The following LZTR1 variants were observed in gnomAD, a reference collection of about 807,000 sequenced individuals.
LZTR1 encodes leucine-zipper-like transcriptional regulator 1.
Under a neutral mutation model 105.7 loss-of-function variants are expected in LZTR1, and 260 were observed. The ratio of observed to expected loss-of-function variants is 2.46; its 90% CI spans 2.22 to 2.72. The LOEUF (loss-of-function observed/expected upper bound fraction) is 2.72, where lower values mean the gene tolerates loss of function less well. LZTR1 is among the 30% of genes most tolerant of loss of function. The probability of loss-of-function intolerance (pLI) is 0.00; values close to 1 mark genes in which losing one functional copy is unlikely to be tolerated. For synonymous variants in LZTR1, 490 were observed against 476.4 expected (o/e 1.03, Z -0.37); for missense variants, 1,214 against 1,166.9 (o/e 1.04, Z -0.59).
At chr22:20,991,517 GT>G in intron 8 of LZTR1, 110 bp from the exon 9 acceptor site, 1 of 845,102 alleles carries the variant, frequency 1.2e-6, no homozygotes, top group East Asian at 2.7e-5. Context: ...CCCTGGGCTA[GT>G]CACCGTAAGG....
chr22:20,991,574 G>A (rs1014794428), intron 8 of LZTR1, 54 bp from the exon 9 acceptor site: 82 of 1,410,202 alleles, frequency 5.8e-5, no homozygotes, highest in East Asian at 9.9e-5. Flanking sequence ...GGGAGGCCCC[G>A]AGGGTGAGCA....
chr22:20,995,733 C>G lies in LZTR1; in HGVS notation c.1943-13C>G. On this transcript the variant is annotated splice_polypyrimidine_tract_variant and intron_variant, in intron 16 of 20. Coordinates refer to ENST00000646124, the MANE Select transcript of LZTR1 (RefSeq NM_006767.4). ...CCCAGGCTGTACCTGCTCAGGGACC[C>G]TCCTACCCCCAGGCACATCTCTGAT... 1 of 1,613,328 alleles carries G rather than the reference C, an allele frequency of 6.2e-7. No homozygotes were observed. The highest frequency in any genetic ancestry group is 8.5e-7 in the Non-Finnish European group (1 of 1,179,944).
chr22:20,983,103 A>C lies in LZTR1; in HGVS notation c.263+14A>C. 6.2e-7 allele frequency: 1 copy of C among 1,611,778 alleles called. No homozygotes were observed. Among genetic ancestry groups the C allele is most frequent in the Non-Finnish European group, 8.5e-7 (1 of 1,177,794 alleles). On this transcript the variant is annotated intron_variant, in intron 2 of 20. Coordinates refer to ENST00000646124, the MANE Select transcript of LZTR1 (RefSeq NM_006767.4). ...TGGAGACAATGGGTGAGTGAGTCTC[A>C]GCATCAGTGTTTGGACCAGGTAGGG...
intron 5 of LZTR1, 25 bp from the exon 6 acceptor site, chr22:20,988,764 C>T (rs746741734): frequency 6.3e-7 from 1 of 1,595,098 alleles, no homozygotes; most frequent in Non-Finnish European, 8.6e-7. Flanking sequence ...GGCCTCACTC[C>T]CTCCCCTCTT....
chr22:20,996,670 T>C (rs775006134), intron 18 of LZTR1, 26 bp from the exon 19 acceptor site: 1 of 1,603,564 alleles, frequency 6.2e-7, no homozygotes, highest in Admixed American at 1.7e-5. Context: ...CAGCTTCCTT[T>C]AGTCAGCTCC....
chr22:20,990,286 G>C, intron 7 of LZTR1, 100 bp from the exon 8 acceptor site: 1 of 1,360,278 alleles, frequency 7.4e-7, no homozygotes, highest in East Asian at 2.3e-5. Flanking sequence ...ATCTGGGGAA[G>C]TTTCAAGAAT....
Position 20,991,774 on chromosome 22 carries a change from G to A in LZTR1, c.938G>A (p.Cys313Tyr). ...ADNTLPNELH[C>Y]YDVDFQTWEV... ...AACACGCTGCCCAACGAGCTGCACT[G>A]CTATGACGTGGACTTCCAGACCTGG... Residue 313 changes from cysteine to tyrosine, a missense_variant, in exon 9 of 21, where the codon TGC becomes TAC. Physicochemically the swap from Cys to Tyr is radical, Grantham distance 194. Coordinates refer to ENST00000646124, the MANE Select transcript of LZTR1 (RefSeq NM_006767.4). The A allele has an allele frequency of 6.4e-7, 1 of 1,555,096 alleles. No individual in the cohort carries two copies. Among genetic ancestry groups the A allele is most frequent in the Non-Finnish European group, 8.7e-7 (1 of 1,149,184 alleles).
At chr22:20,995,051 T>TG in intron 16 of LZTR1, 25 bp downstream of exon 16, 1 of 1,590,716 alleles carries the variant, frequency 6.3e-7, no homozygotes, top group Non-Finnish European at 8.6e-7. Context: ...TCCCCTTCCC[T>TG]GGGGGCTGGG....
At chr22:20,984,525 C>A (rs1924302550) in intron 2 of LZTR1, among the ~76,000 whole-genome samples, 3 of 139,604 alleles carry the variant, frequency 2.1e-5, no homozygotes, top group Admixed American at 8.1e-5. Context: ...AAATAGGATA[C>A]AAATTTGTCT....
chr22:20,984,987 G>A (rs1252763526), intron 2 of LZTR1, among the ~76,000 whole-genome samples: 2 of 152,298 alleles, frequency 1.3e-5, no homozygotes, highest in Non-Finnish European at 2.9e-5. Flanking sequence ...ACTTTGGGAG[G>A]CTGAGGTGGG....
At position 20,996,861 on chromosome 22, in the gene LZTR1, C is replaced by T. The variant is rs777850717; in HGVS notation, c.2326-25C>T. On this transcript the variant is annotated intron_variant, in intron 19 of 20. Transcript: ENST00000646124. ...CCCACTGAGTGGGTGAAAGGGGCAGCGCCTCAAGGTCCCTGCCATTGCAGA... is the reference window on the plus strand; with the variant it reads ...CCCACTGAGTGGGTGAAAGGGGCAGTGCCTCAAGGTCCCTGCCATTGCAGA... 14 of 1,610,306 alleles carry T rather than the reference C, an allele frequency of 8.7e-6. No homozygotes were observed. In the African/African-American group the frequency reaches 1.2e-4, roughly 14 times the overall value.
At chr22:20,989,070 G>A (rs1237054298) in intron 6 of LZTR1, among the ~76,000 whole-genome samples, 198 bp downstream of exon 6, 1 of 152,170 alleles carries the variant, frequency 6.6e-6, no homozygotes, top group African/African-American at 2.4e-5. Flanking sequence ...CCACTGGGTG[G>A]AGCCCCGTGG....
Position 20,996,980 on chromosome 22 carries a change from C to T in LZTR1, c.2406+14C>T. 1 of 1,613,000 alleles carries T rather than the reference C, an allele frequency of 6.2e-7. No homozygotes were observed. Among genetic ancestry groups the T allele is most frequent in the African/African-American group, 1.3e-5 (1 of 75,060 alleles). ...CAGTTCACCAAGGTCAGGGCTCTGGCCTCCCCTTCAGGACTCGCTTCCCCT... is the reference window on the plus strand; with the variant it reads ...CAGTTCACCAAGGTCAGGGCTCTGGTCTCCCCTTCAGGACTCGCTTCCCCT... On this transcript the variant is annotated intron_variant, in intron 20 of 20. Coordinates refer to ENST00000646124, the MANE Select transcript of LZTR1 (RefSeq NM_006767.4).
chr22:20,982,427 G>A lies in LZTR1; in HGVS notation c.56G>A (p.Gly19Asp), dbSNP rs368755025. The change falls in exon 1 of 21, where the codon GGC becomes GAC. Residue 19 changes from glycine (G) to aspartate (D), a missense_variant. By Grantham distance (94) the Gly-to-Asp change is moderately conservative (BLOSUM62 -1). Coordinates refer to ENST00000646124, the MANE Select transcript of LZTR1 (RefSeq NM_006767.4). Reference sequence around the variant, plus strand: ...ATCGGGGCTGCGGCCCTGGCAGGCGGCGCGCGGTCCAAGGTAGCCCCGAGC... The same window carrying A: ...ATCGGGGCTGCGGCCCTGGCAGGCGACGCGCGGTCCAAGGTAGCCCCGAGC... ...GQIGAAALAG[G>D]ARSKVAPSVD... 1 of 1,576,962 alleles carries A rather than the reference G, an allele frequency of 6.3e-7. No homozygotes were observed. The highest frequency in any genetic ancestry group is 1.3e-5 in the African/African-American group (1 of 74,326).
rs1271583137 is a variant in LZTR1 at position 20,997,532 on chromosome 22, A to C, written c.*184A>C. 1 of 571,558 alleles carries C rather than the reference A, an allele frequency of 1.7e-6. No homozygotes were observed. The highest frequency in any genetic ancestry group is 1.9e-5 in the African/African-American group (1 of 53,190). The allele number at this position is 571,558 out of a possible 1,614,324, so 35.4% of individuals were successfully genotyped here. A position where few individuals can be genotyped will look rare whatever the true frequency, so the allele number is the denominator to read the frequency against. ...GGCCCCAAACTCATTAATTCACTGA[A>C]GACACAGGTCCCACAGGGAGCGGAT... On this transcript the variant is annotated 3_prime_UTR_variant, in exon 21 of 21. Coordinates refer to ENST00000646124, the MANE Select transcript of LZTR1 (RefSeq NM_006767.4).
chr22:20,995,763 G>C lies in LZTR1; in HGVS notation c.1960G>C (p.Asp654His). Reference sequence around the variant, plus strand: ...ACCCCCAGGCACATCTCTGATCCAGGACATGAAGGCATACCTGGAGGGAGC... The same window carrying C: ...ACCCCCAGGCACATCTCTGATCCAGCACATGAAGGCATACCTGGAGGGAGC... ...PVDIGTSLIQ[D>H]MKAYLEGAGA... Residue 654 changes from aspartate to histidine, a missense_variant, in exon 17 of 21, where the codon GAC (aspartate) becomes CAC (histidine). Transcript: ENST00000646124. The C allele has an allele frequency of 1.2e-6, 2 of 1,613,610 alleles. No homozygotes were observed. Among genetic ancestry groups the C allele is most frequent in the Non-Finnish European group, 1.7e-6 (2 of 1,179,998 alleles).
rs752350753 is a variant in LZTR1 at position 20,996,126 on chromosome 22, C to G, written c.2219+14C>G. Reference sequence around the variant, plus strand: ...CGAGGACTCGCTGCATCCTCACTCCCCAGTGAACTCCCAGGTCCCCACCAA... The same window carrying G: ...CGAGGACTCGCTGCATCCTCACTCCGCAGTGAACTCCCAGGTCCCCACCAA... On this transcript the variant is annotated intron_variant, in intron 18 of 20. Transcript: ENST00000646124. 1 of 1,609,724 alleles carries G rather than the reference C, an allele frequency of 6.2e-7. No homozygotes were observed. Among genetic ancestry groups the G allele is most frequent in the Non-Finnish European group, 8.5e-7 (1 of 1,178,924 alleles).
Position 20,996,909 on chromosome 22 carries a change from G to T in LZTR1, c.2349G>T (p.Thr783=). The T allele has an allele frequency of 6.2e-7, 1 of 1,612,744 alleles. No homozygotes were observed. The highest frequency in any genetic ancestry group is 8.5e-7 in the Non-Finnish European group (1 of 1,179,314). The change falls in exon 20 of 21, where the codon ACG becomes ACT. Residue 783 remains threonine (T), a synonymous_variant. Transcript: ENST00000646124. Reference sequence around the variant, plus strand: ...AGATCCTGGAGGCAGCTGACAAAACGCAGGCACTGGACATGAAGCGGCACT... The same window carrying T: ...AGATCCTGGAGGCAGCTGACAAAACTCAGGCACTGGACATGAAGCGGCACT... ...VLQILEAADK[T]QALDMKRHCL... is the part of the protein sequence containing the mutation.
intron 4 of LZTR1, 121 bp downstream of exon 4, chr22:20,987,704 G>A (rs1478509901): frequency 2.9e-5 from 27 of 936,266 alleles, no homozygotes; most frequent in Admixed American, 6.0e-5. Flanking sequence ...CTCTCCACCC[G>A]TGGCTTTGTC....
Sources: gnomAD v4.1 joint callset for allele counts (sites outside exome capture counted in the v4.1 genomes callset) on GRCh38, gnomAD v4.1.1 for gene constraint, MANE v1.5 for transcripts, NCBI Gene and HGNC (gene_info 2026-07-23, HGNC 2026-07-21) for gene names.